The following RRAGD variants were observed in gnomAD, a reference collection of about 807,000 sequenced individuals.
RRAGD encodes the protein ras-related GTP-binding protein D.
In RRAGD, 12 loss-of-function variants were observed where a neutral mutation model predicts 35.5. The observed-to-expected ratio is 0.34, with a 90% CI of 0.22 to 0.55. The LOEUF is 0.55. RRAGD is among the 20% of genes least tolerant of loss of function. The probability of loss-of-function intolerance (pLI) is 0.91; values close to 1 mark genes in which losing one functional copy is unlikely to be tolerated. For missense variants in RRAGD, 324 were observed against 490.1 expected (o/e 0.66, Z 3.20); for synonymous variants, 155 against 178.9 (o/e 0.87, Z 1.07).
intron 1 of RRAGD, among the ~76,000 whole-genome samples, chr6:89,400,730 T>C (rs1352158133): frequency 1.3e-5 from 2 of 152,116 alleles, no homozygotes; most frequent in Non-Finnish European, 2.9e-5. Flanking sequence ...TGCAGAAGGC[T>C]GGGCTTTCTC....
At chr6:89,381,497 A>G (rs530485639) in intron 2 of RRAGD, among the ~76,000 whole-genome samples, 29 of 152,250 alleles carry the variant, frequency 1.9e-4, no homozygotes, top group African/African-American at 6.7e-4. Context: ...CTACCCCCTC[A>G]TCCTCTAGAG....
At position 89,400,749 on chromosome 6, in the gene RRAGD, C is replaced by T. The variant is rs75055221; in HGVS notation, c.148+11097G>A. ...GAAGGCTGGGCTTTCTCCACCAACA[C>T]CTCCCTAGGCATTACCCTCTGCCTC... On this transcript the variant is annotated intron_variant, in intron 1 of 6. Coordinates refer to ENST00000369415, the MANE Select transcript of RRAGD (RefSeq NM_021244.5). Among the ~76,000 whole-genome samples, 1,281 of 152,256 alleles carry T rather than the reference C, an allele frequency of 8.4e-3. 16 individuals are homozygous for T. Among genetic ancestry groups the T allele is most frequent in the African/African-American group, 0.029 (1,206 of 41,530 alleles).
At position 89,364,986 on chromosome 6, in the gene RRAGD, ACATC is replaced by A. The variant is rs1313778523; in HGVS notation, c.*3066_*3069del. 6.6e-6 allele frequency: 1 copy of A among 152,246 alleles called. No homozygotes were observed. The highest frequency in any genetic ancestry group is 1.5e-5 in the Non-Finnish European group (1 of 68,040). The allele number at this position is 152,246 out of a possible 1,614,324, so 9.4% of individuals were successfully genotyped here. A position where few individuals can be genotyped will look rare whatever the true frequency, so the allele number is the denominator to read the frequency against. On this transcript the variant is annotated 3_prime_UTR_variant, in exon 7 of 7. Coordinates refer to ENST00000369415, the MANE Select transcript of RRAGD (RefSeq NM_021244.5). ...CATGGACTATACCTGATTACAAATT[ACATC>A]CAGTCTGTACAAGTTGAATACATAC...
Position 89,366,116 on chromosome 6 carries a change from T to C in RRAGD, c.*1940A>G, listed in dbSNP as rs982606418. On this transcript the variant is annotated 3_prime_UTR_variant, in exon 7 of 7. Transcript: ENST00000369415. Reference sequence around the variant, plus strand: ...TCTCCTTTCAAAATGCACAGAACCTTGGGAGGCTCAAACCTTAAACACCAA... The same window carrying C: ...TCTCCTTTCAAAATGCACAGAACCTCGGGAGGCTCAAACCTTAAACACCAA... 6.6e-6 allele frequency: 1 copy of C among 152,142 alleles called. No individual in the cohort carries two copies. Among genetic ancestry groups the C allele is most frequent in the African/African-American group, 2.4e-5 (1 of 41,424 alleles). 9.4% of individuals were successfully genotyped at this position (152,142 alleles called of 1,614,324 possible).
Position 89,411,812 on chromosome 6 carries a change from G to T in RRAGD, c.148+34C>A. 1.3e-6 allele frequency: 2 copies of T among 1,533,230 alleles called. No individual in the cohort carries two copies. The highest frequency in any genetic ancestry group is 1.7e-6 in the Non-Finnish European group (2 of 1,144,608). 95.0% of individuals were successfully genotyped at this position (1,533,230 alleles called of 1,614,324 possible). A position where few individuals can be genotyped will look rare whatever the true frequency, so the allele number is the denominator to read the frequency against. The stretch of plus-strand genomic sequence containing the variant: ...GGAAGGCGCCAAGGGGAGGAAAGGG[G>T]CGCGAGCCGAGGACGCGGGGGCCGG... On this transcript the variant is annotated intron_variant, in intron 1 of 6. Coordinates refer to ENST00000369415, the MANE Select transcript of RRAGD (RefSeq NM_021244.5). This position sits in a 1 kb window ranked among gnomAD's most constrained non-coding sequence, Gnocchi z 5.6.
chr6:89,407,830 T>A (rs1248563664), intron 1 of RRAGD, among the ~76,000 whole-genome samples: 1 of 151,912 alleles, frequency 6.6e-6, no homozygotes, highest in East Asian at 1.9e-4. Flanking sequence ...TCGGCTCTTA[T>A]CCAGAACTTG....
intron 1 of RRAGD, among the ~76,000 whole-genome samples, chr6:89,399,702 C>A (rs1225009691): frequency 4.6e-5 from 7 of 151,922 alleles, no homozygotes; most frequent in Admixed American, 6.6e-5. Flanking sequence ...ATCACCTGAG[C>A]CCAGAAGTTA....
At chr6:89,376,199 A>C (rs1487831107) in intron 5 of RRAGD, among the ~76,000 whole-genome samples, 1 of 152,162 alleles carries the variant, frequency 6.6e-6, no homozygotes, top group Non-Finnish European at 1.5e-5. Flanking sequence ...AAATTATGGC[A>C]GCTACATTTA....
intron 5 of RRAGD, among the ~76,000 whole-genome samples, chr6:89,377,340 A>G (rs941476922): frequency 4.6e-5 from 7 of 152,226 alleles, no homozygotes; most frequent in Non-Finnish European, 8.8e-5. Context: ...TAACCTGGGC[A>G]CAGTGGCTCA....
intron 2 of RRAGD, among the ~76,000 whole-genome samples, chr6:89,384,093 C>T (rs1769095319): frequency 6.8e-6 from 1 of 148,102 alleles, no homozygotes; most frequent in Non-Finnish European, 1.5e-5. Flanking sequence ...CAGAGTGAGA[C>T]TCCATCTAAA....
intron 2 of RRAGD, among the ~76,000 whole-genome samples, chr6:89,383,319 C>T (rs1769081894): frequency 6.6e-6 from 1 of 152,214 alleles, no homozygotes; most frequent in Non-Finnish European, 1.5e-5. Context: ...GAAATTGCTA[C>T]TCTAACCTCC....
chr6:89,365,233 T>C lies in RRAGD; in HGVS notation c.*2823A>G, dbSNP rs1158449517. 2 of 152,190 alleles carry C rather than the reference T, an allele frequency of 1.3e-5. No homozygotes were observed. The highest frequency in any genetic ancestry group is 3.8e-4 in the East Asian group (2 of 5,196). 9.4% of individuals were successfully genotyped at this position (152,190 alleles called of 1,614,324 possible). A position where few individuals can be genotyped will look rare whatever the true frequency, so the allele number is the denominator to read the frequency against. ...GGTCATTCACACTAATCTACATCAC[T>C]GAAAATAACCAAAATAATTCACAGT... On this transcript the variant is annotated 3_prime_UTR_variant, in exon 7 of 7. Transcript: ENST00000369415.
At chr6:89,373,821 A>C (rs1768892023) in intron 5 of RRAGD, among the ~76,000 whole-genome samples, 1 of 152,204 alleles carries the variant, frequency 6.6e-6, no homozygotes, top group Admixed American at 6.5e-5. Flanking sequence ...GATTAAATGA[A>C]ATAATGCATA....
intron 1 of RRAGD, among the ~76,000 whole-genome samples, chr6:89,405,186 TAA>T (rs771730339): frequency 2.7e-5 from 4 of 150,612 alleles, no homozygotes; most frequent in East Asian, 2.0e-4. Flanking sequence ...CCGTCTCTAC[TAA>T]AAAAAATACA....
chr6:89,405,348 C>T (rs546862828), intron 1 of RRAGD, among the ~76,000 whole-genome samples: 259 of 105,968 alleles, frequency 2.4e-3, no homozygotes, highest in Non-Finnish European at 3.2e-3. Flanking sequence ...AGCAAGACTC[C>T]GTCTCAAAAA....
rs1006298228 is a variant in RRAGD at position 89,366,787 on chromosome 6, C to A, written c.*1269G>T. The A allele has an allele frequency of 2.0e-5, 3 of 152,150 alleles. No individual in the cohort carries two copies. Among genetic ancestry groups the A allele is most frequent in the Non-Finnish European group, 4.4e-5 (3 of 68,032 alleles). 9.4% of individuals were successfully genotyped at this position (152,150 alleles called of 1,614,324 possible). A position where few individuals can be genotyped will look rare whatever the true frequency, so the allele number is the denominator to read the frequency against. ...AGTAAACATAAGTGAAATAATTTCA[C>A]AGAAACAATTACACAGCTAATTGTA... On this transcript the variant is annotated 3_prime_UTR_variant, in exon 7 of 7. Coordinates refer to ENST00000369415, the MANE Select transcript of RRAGD (RefSeq NM_021244.5).
At chr6:89,404,970 A>G (rs1451997214) in intron 1 of RRAGD, among the ~76,000 whole-genome samples, 1 of 152,188 alleles carries the variant, frequency 6.6e-6, no homozygotes, top group African/African-American at 2.4e-5. Context: ...TCTATTGAGA[A>G]GTATTATAAT....
Position 89,412,117 on chromosome 6 carries a change from C to A in RRAGD, c.-124G>T. On this transcript the variant is annotated 5_prime_UTR_variant, in exon 1 of 7. Transcript: ENST00000369415. The surrounding 1 kb of genome is among the most constrained non-coding windows in gnomAD (Gnocchi z 4.2). ...TTGTCTAGAGCTCAGCGGGGCCCGGCGGAAGCGGGGGCCGCGCGTCCCCCG... is the reference window on the plus strand; with the variant it reads ...TTGTCTAGAGCTCAGCGGGGCCCGGAGGAAGCGGGGGCCGCGCGTCCCCCG... The A allele has an allele frequency of 2.1e-6, 2 of 946,850 alleles. No homozygotes were observed. The highest frequency in any genetic ancestry group is 2.8e-6 in the Non-Finnish European group (2 of 720,158). 58.7% of individuals were successfully genotyped at this position (946,850 alleles called of 1,614,324 possible). A position where few individuals can be genotyped will look rare whatever the true frequency, so the allele number is the denominator to read the frequency against.
chr6:89,384,493 G>A (rs564828444), intron 2 of RRAGD, among the ~76,000 whole-genome samples: 2 of 152,230 alleles, frequency 1.3e-5, no homozygotes, highest in African/African-American at 4.8e-5. Flanking sequence ...ATAGACATGA[G>A]CCACTGTGCC....
Sources: allele counts gnomAD v4.1 joint callset (sites outside exome capture counted in the v4.1 genomes callset), GRCh38; gene constraint gnomAD v4.1.1; non-coding constraint Gnocchi (gnomAD v3.1); transcripts MANE v1.5; gene names NCBI Gene and HGNC (gene_info 2026-07-23, HGNC 2026-07-21).